The following CCDC149 variants were observed in gnomAD, a reference collection of about 807,000 sequenced individuals.
The protein encoded by CCDC149 is coiled-coil domain-containing protein 149.
A neutral mutation model predicts 59.9 loss-of-function variants in CCDC149; 45 were observed. That is an observed-to-expected ratio of 0.75 (90% CI 0.59 to 0.96). The LOEUF (loss-of-function observed/expected upper bound fraction) is 0.96, where lower values mean the gene tolerates loss of function less well. CCDC149 is among the 40% of genes least tolerant of loss of function. The pLI is 0.00. For missense variants in CCDC149, 584 were observed against 664.7 expected (o/e 0.88, Z 1.33); for synonymous variants, 245 against 260.6 (o/e 0.94, Z 0.58).
At chr4:24,834,178 A>C (rs1281797768) in intron 8 of CCDC149, among the ~76,000 whole-genome samples, 1 of 152,132 alleles carries the variant, frequency 6.6e-6, no homozygotes, top group Non-Finnish European at 1.5e-5. Flanking sequence ...GAGACTCAGC[A>C]CTTTTTTTTT....
intron 1 of CCDC149, among the ~76,000 whole-genome samples, chr4:24,905,711 C>T (rs1721463960): frequency 6.6e-6 from 1 of 152,238 alleles, no homozygotes; most frequent in Admixed American, 6.5e-5. Context: ...GCTGGCATTA[C>T]AGGCGTGAGC....
At chr4:24,805,304 T>C (rs1714095289), downstream of CCDC149, among the ~76,000 whole-genome samples, 1 of 151,954 alleles carries the variant, frequency 6.6e-6, no homozygotes, top group African/African-American at 2.4e-5. Context: ...CAAACAAAGG[T>C]GGGAACATTC....
chr4:24,931,734 C>T, intron 1 of CCDC149, among the ~76,000 whole-genome samples: 1 of 150,568 alleles, frequency 6.6e-6, no homozygotes, highest in Non-Finnish European at 1.5e-5. Context: ...TTCCAGAAAG[C>T]CTTCCTGGTT....
chr4:24,843,957 C>T (rs1378935355), intron 4 of CCDC149, among the ~76,000 whole-genome samples: 1 of 152,164 alleles, frequency 6.6e-6, no homozygotes, highest in Non-Finnish European at 1.5e-5. Flanking sequence ...TCATGTCTGT[C>T]CCTGGGCCTT....
chr4:24,880,930 C>T (rs990288518), intron 1 of CCDC149, among the ~76,000 whole-genome samples: 6 of 152,156 alleles, frequency 3.9e-5, no homozygotes, highest in Admixed American at 1.3e-4. Context: ...GAGGAACCCA[C>T]GATTTCAACA....
intron 3 of CCDC149, among the ~76,000 whole-genome samples, chr4:24,860,129 T>C (rs1718282005): frequency 6.6e-6 from 1 of 152,164 alleles, no homozygotes; most frequent in African/African-American, 2.4e-5. Context: ...AGAGCCCGCA[T>C]AGCCAAAGCA....
intron 3 of CCDC149, among the ~76,000 whole-genome samples, chr4:24,866,330 A>G (rs1016206526): frequency 2.6e-5 from 4 of 152,084 alleles, no homozygotes; most frequent in African/African-American, 9.7e-5. Context: ...AAAGACAAAG[A>G]TCTTAAAGAT....
At chr4:24,889,652 G>A (rs1025449926) in intron 1 of CCDC149, among the ~76,000 whole-genome samples, 2 of 152,152 alleles carry the variant, frequency 1.3e-5, no homozygotes, top group African/African-American at 2.4e-5. Context: ...GTCACATATG[G>A]AATGTAACGA....
intron 3 of CCDC149, among the ~76,000 whole-genome samples, chr4:24,872,014 T>TA (rs1352616568): frequency 2.0e-5 from 3 of 152,226 alleles, no homozygotes; most frequent in African/African-American, 7.2e-5. Flanking sequence ...TTCTAGGTTT[T>TA]ATCTGAGAAA....
intron 1 of CCDC149, among the ~76,000 whole-genome samples, chr4:24,968,755 G>A (rs572742565): frequency 7.5e-4 from 114 of 152,344 alleles, no homozygotes; most frequent in African/African-American, 2.6e-3. Context: ...GATCACCAAG[G>A]AGGTGACACC....
chr4:24,880,911 CA>C, intron 1 of CCDC149, among the ~76,000 whole-genome samples: 1 of 152,282 alleles, frequency 6.6e-6, no homozygotes, highest in Admixed American at 6.5e-5. Context: ...CCAGGGCACT[CA>C]CCACCTTGAG....
At chr4:24,952,625 AAATATATATATATATATATATATATAT>A (rs1723345976) in intron 1 of CCDC149, among the ~76,000 whole-genome samples, 2 of 15,290 alleles carry the variant, frequency 1.3e-4, no homozygotes, top group Middle Eastern at 0.033. Context: ...AAAAAAAAAA[AAATATATATATATATATATATATATAT>A]ATATATATAT....
downstream of CCDC149, among the ~76,000 whole-genome samples, chr4:24,805,544 C>G (rs1457104650): frequency 6.6e-6 from 1 of 152,180 alleles, no homozygotes; most frequent in African/African-American, 2.4e-5. Context: ...TGGTGTTCAG[C>G]CTTTTAGAGT....
intron 9 of CCDC149, among the ~76,000 whole-genome samples, chr4:24,823,665 T>C (rs990437415): frequency 6.6e-6 from 1 of 152,168 alleles, no homozygotes; most frequent in African/African-American, 2.4e-5. Flanking sequence ...GGCATGAATA[T>C]GTATATTTCT....
chr4:24,977,100 G>C (rs1724234208), intron 1 of CCDC149, among the ~76,000 whole-genome samples: 1 of 152,176 alleles, frequency 6.6e-6, no homozygotes, highest in African/African-American at 2.4e-5. Flanking sequence ...TTCTTTGGGG[G>C]ACCACCCTTG....
At chr4:24,956,280 A>G (rs1003386343) in intron 1 of CCDC149, among the ~76,000 whole-genome samples, 5 of 151,972 alleles carry the variant, frequency 3.3e-5, no homozygotes, top group African/African-American at 1.2e-4. Flanking sequence ...CCCAGGCCTG[A>G]TAGTTCCAAC....
intron 12 of CCDC149, among the ~76,000 whole-genome samples, chr4:24,815,340 A>G (rs1432785062): frequency 6.6e-6 from 1 of 152,204 alleles, no homozygotes; most frequent in African/African-American, 2.4e-5. Flanking sequence ...AAGCAATCAC[A>G]TAATTTTCAT....
In CCDC149 at chr4:24,852,683, C is replaced by T. The variant is rs1717738354; in HGVS notation, c.372+389G>A. ...GAGAACATAATTAGTAGGATGACTA[C>T]TTAAAATTCAAAACCGAATGTGAAT... On this transcript the variant is annotated intron_variant, in intron 4 of 12. Transcript: ENST00000635206. Among the ~76,000 whole-genome samples, 3 of 152,126 alleles carry T rather than the reference C, an allele frequency of 2.0e-5. No homozygotes were observed. The South Asian group carries it at 6.2e-4, about 32-fold the overall frequency.
chr4:24,977,914 C>A (rs1724277520), intron 1 of CCDC149, among the ~76,000 whole-genome samples: 2 of 152,188 alleles, frequency 1.3e-5, no homozygotes, highest in African/African-American at 4.8e-5. Context: ...AGGAGGATTG[C>A]TTGAGGTCAG....
Sources: gnomAD v4.1 joint callset for allele counts (sites outside exome capture counted in the v4.1 genomes callset) on GRCh38, gnomAD v4.1.1 for gene constraint, MANE v1.5 for transcripts, NCBI Gene and HGNC (gene_info 2026-07-23, HGNC 2026-07-21) for gene names.